CEP112: variants seen among roughly 807,000 people sequenced by gnomAD.
CEP112 encodes centrosomal protein 112.
CEP112 carries 127 observed loss-of-function variants against 153.0 expected under a neutral mutation model. The ratio of observed to expected loss-of-function variants is 0.83; its 90% CI spans 0.72 to 0.96. CEP112 has a LOEUF of 0.96. Ranked by LOEUF, CEP112 falls within the 40% of genes least tolerant of loss-of-function variation. The pLI is 0.00. For synonymous variants in CEP112, 358 were observed against 374.4 expected (o/e 0.96, Z 0.51); for missense variants, 1,089 against 1,101.2 (o/e 0.99, Z 0.16).
chr17:66,093,542 A>G (rs1230977761), intron 8 of CEP112, among the ~76,000 whole-genome samples: 1 of 152,026 alleles, frequency 6.6e-6, no homozygotes, highest in Non-Finnish European at 1.5e-5. Context: ...CTGACAATGA[A>G]CTATACAAAA....
chr17:66,154,502 G>A lies in CEP112; in HGVS notation c.470+20542C>T, dbSNP rs186293946. On this transcript the variant is annotated intron_variant, in intron 4 of 26. Coordinates refer to ENST00000535342, the MANE Select transcript of CEP112 (RefSeq NM_001199165.4). ...TGCACTCCAGTCTAGGTGACAGAGC[G>A]AGACTCTGTGTAGAAAAAATAAATA... 2.1e-4 allele frequency among the ~76,000 whole-genome samples: 32 copies of A among 152,244 alleles called. No homozygotes were observed. In the East Asian group the frequency reaches 3.5e-3, roughly 17 times the overall value.
chr17:66,140,224 AT>A (rs988925183), intron 4 of CEP112, among the ~76,000 whole-genome samples: 49 of 149,898 alleles, frequency 3.3e-4, no homozygotes, highest in Non-Finnish European at 3.2e-4. Flanking sequence ...GAAATTCAAT[AT>A]TTTTTTATGA....
chr17:66,132,895 G>A (rs578207938), intron 4 of CEP112, 132 bp from the exon 5 acceptor site: 37 of 676,484 alleles, frequency 5.5e-5, no homozygotes, highest in African/African-American at 1.6e-4. Flanking sequence ...TTCCATAGCC[G>A]GGCGTGGTGG....
chr17:66,009,621 T>C (rs1038302235), intron 16 of CEP112, among the ~76,000 whole-genome samples: 2 of 152,210 alleles, frequency 1.3e-5, no homozygotes, highest in Non-Finnish European at 2.9e-5. Context: ...CTTTAATCCA[T>C]ATTGACTTTA....
At chr17:65,947,501 G>T (rs1289832091) in intron 18 of CEP112, among the ~76,000 whole-genome samples, 1 of 152,026 alleles carries the variant, frequency 6.6e-6, no homozygotes, top group Non-Finnish European at 1.5e-5. Flanking sequence ...ATAATGACAT[G>T]TTTTCTAGCC....
intron 24 of CEP112, among the ~76,000 whole-genome samples, chr17:65,674,102 C>G (rs752814526): frequency 7.2e-5 from 11 of 152,122 alleles, no homozygotes; most frequent in Non-Finnish European, 1.3e-4. Context: ...GTCTCCTGAC[C>G]TCAGGCAATC....
intron 17 of CEP112, among the ~76,000 whole-genome samples, chr17:66,005,406 T>A (rs1042971040): frequency 6.6e-6 from 1 of 152,180 alleles, no homozygotes; most frequent in Non-Finnish European, 1.5e-5. Flanking sequence ...TCTCATTTTT[T>A]AAAAAATATG....
intron 21 of CEP112, among the ~76,000 whole-genome samples, chr17:65,757,152 C>T (rs1038855316): frequency 2.0e-5 from 3 of 152,146 alleles, no homozygotes; most frequent in African/African-American, 7.2e-5. Flanking sequence ...CTGATACCAC[C>T]TTGATCTTGG....
chr17:65,693,145 T>C (rs1025850578), intron 23 of CEP112, among the ~76,000 whole-genome samples: 4 of 152,164 alleles, frequency 2.6e-5, no homozygotes, highest in African/African-American at 9.7e-5. Flanking sequence ...CTCTCCCTTC[T>C]CTTAAACGAA....
intron 20 of CEP112, among the ~76,000 whole-genome samples, chr17:65,881,990 C>T (rs796508894): frequency 4.6e-5 from 7 of 152,318 alleles, no homozygotes; most frequent in African/African-American, 1.7e-4. Context: ...GGACTTTTGA[C>T]TGTGTTCCTG....
At chr17:65,913,951 A>G (rs534161356) in intron 19 of CEP112, 36 of 801,326 alleles carry the variant, frequency 4.5e-5, no homozygotes, top group Non-Finnish European at 5.1e-5. Flanking sequence ...TTTTTGAAAA[A>G]TGAGCTATTA....
Position 65,998,679 on chromosome 17 carries a change from TTAA to T in CEP112, c.1736+7008_1736+7010del, listed in dbSNP as rs540296517. On this transcript the variant is annotated intron_variant, in intron 17 of 26. Transcript: ENST00000535342. Reference sequence around the variant, plus strand: ...TAATATAGTCGTTATAATAATAATATTAATAATACATATATAACAGACACTATT... The same window carrying T: ...TAATATAGTCGTTATAATAATAATATTAATACATATATAACAGACACTATT... Among the ~76,000 whole-genome samples the T allele has an allele frequency of 3.3e-5, 5 of 152,018 alleles. No homozygotes were observed. In the South Asian group the frequency reaches 1.0e-3, roughly 31 times the overall value.
intron 23 of CEP112, among the ~76,000 whole-genome samples, chr17:65,737,643 A>G (rs1332929553): frequency 1.3e-5 from 2 of 152,248 alleles, no homozygotes; most frequent in African/African-American, 4.8e-5. Flanking sequence ...CAGTTCAGCC[A>G]GATGCATGCT....
At chr17:65,778,646 T>C (rs995123705) in intron 21 of CEP112, among the ~76,000 whole-genome samples, 2 of 152,162 alleles carry the variant, frequency 1.3e-5, no homozygotes, top group Admixed American at 1.3e-4. Flanking sequence ...TTTTATAGCT[T>C]TTAGATAAAA....
At chr17:66,086,380 C>CTTTTTTT (rs71160531) in intron 8 of CEP112, among the ~76,000 whole-genome samples, 1 of 67,026 alleles carries the variant, frequency 1.5e-5, no homozygotes, top group African/African-American at 6.4e-5. Context: ...ATTTTCTTTT[C>CTTTTTTT]TTTTTTTTTT....
At chr17:66,035,003 TA>T (rs1486841762) in intron 12 of CEP112, among the ~76,000 whole-genome samples, 49 of 114,242 alleles carry the variant, frequency 4.3e-4, no homozygotes, top group South Asian at 2.8e-3. Context: ...CATATATATA[TA>T]TATATTTTTT....
intron 12 of CEP112, among the ~76,000 whole-genome samples, chr17:66,045,243 T>A (rs1838103): frequency 0.75 from 113,306 of 151,760 alleles, 44,965 homozygotes; most frequent in East Asian, 0.91. Context: ...CTAATTTTTT[T>A]ATTTTTTGTA....
chr17:65,847,173 T>C (rs1271711248), intron 21 of CEP112, among the ~76,000 whole-genome samples: 1 of 152,038 alleles, frequency 6.6e-6, no homozygotes, highest in African/African-American at 2.4e-5. Flanking sequence ...TGTCAACAAG[T>C]CCCTCCATTC....
At chr17:65,783,604 TAG>T (rs1413881643) in intron 21 of CEP112, among the ~76,000 whole-genome samples, 4 of 152,226 alleles carry the variant, frequency 2.6e-5, no homozygotes, top group African/African-American at 9.7e-5. Flanking sequence ...TAAAATGACT[TAG>T]AGTGTATCTA....
Sources: gnomAD v4.1 joint callset for allele counts (sites outside exome capture counted in the v4.1 genomes callset) on GRCh38, gnomAD v4.1.1 for gene constraint, MANE v1.5 for transcripts, NCBI Gene and HGNC (gene_info 2026-07-23, HGNC 2026-07-21) for gene names.